The following GJB5 variants were observed in gnomAD, a reference collection of about 807,000 sequenced individuals.
GJB5 encodes the protein gap junction beta-5 protein.
For missense variants in GJB5, 333 were observed against 357.9 expected, an observed-to-expected ratio of 0.93 and a Z score of 0.56; for synonymous variants, 146 against 145.5, an observed-to-expected ratio of 1.00 and a Z score of -0.02.
In GJB5 at chr1:34,758,247, G is replaced by A; in HGVS notation, c.*95G>A. 2 of 938,278 alleles carry A rather than the reference G, an allele frequency of 2.1e-6. No individual in the cohort carries two copies. The highest frequency in any genetic ancestry group is 3.3e-6 in the Non-Finnish European group (2 of 609,420). 58.1% of individuals were successfully genotyped at this position (938,278 alleles called of 1,614,324 possible). A position where few individuals can be genotyped will look rare whatever the true frequency, so the allele number is the denominator to read the frequency against. On this transcript the variant is annotated 3_prime_UTR_variant, in exon 2 of 2. Transcript: ENST00000338513. Reference sequence around the variant, plus strand: ...CCTGAGAGTGGGGGAGCTAAGCCATGAGGTAGGGGCAGGCAAGAGAGAGGA... The same window carrying A: ...CCTGAGAGTGGGGGAGCTAAGCCATAAGGTAGGGGCAGGCAAGAGAGAGGA...
At chr1:34,756,803 A>C (rs901098493) in intron 1 of GJB5, among the ~76,000 whole-genome samples, 1 of 152,202 alleles carries the variant, frequency 6.6e-6, no homozygotes, top group South Asian at 2.1e-4. Flanking sequence ...CCTCCTTTCC[A>C]GTCCCATCCC....
chr1:34,757,777 C>G lies in GJB5; in HGVS notation c.447C>G (p.Phe149Leu). ...ASVDIAFLYVFHSFYPKYILP... is the reference protein window; with the variant it reads ...ASVDIAFLYVLHSFYPKYILP... ...TGGACATCGCCTTTCTCTATGTGTT[C>G]CACTCATTCTACCCCAAATATATCC... Residue 149 changes from phenylalanine to leucine, a missense_variant, in exon 2 of 2, where the codon TTC becomes TTG. Coordinates refer to ENST00000338513, the MANE Select transcript of GJB5 (RefSeq NM_005268.4). The G allele has an allele frequency of 6.2e-7, 1 of 1,613,956 alleles. No homozygotes were observed. The highest frequency in any genetic ancestry group is 1.6e-4 in the Middle Eastern group (1 of 6,062).
At position 34,758,198 on chromosome 1, in the gene GJB5, C is replaced by T. The variant is rs748815028; in HGVS notation, c.*46C>T. ...GGCAGGTTGGGCCTGGATGGGGAGGCTCTAGCATCTCTCATAGGTGCAACC... is the reference window on the plus strand; with the variant it reads ...GGCAGGTTGGGCCTGGATGGGGAGGTTCTAGCATCTCTCATAGGTGCAACC... On this transcript the variant is annotated 3_prime_UTR_variant, in exon 2 of 2. Transcript: ENST00000338513. 1 of 1,432,708 alleles carries T rather than the reference C, an allele frequency of 7.0e-7. No individual in the cohort carries two copies. The highest frequency in any genetic ancestry group is 9.7e-7 in the Non-Finnish European group (1 of 1,027,490). 88.7% of individuals were successfully genotyped at this position (1,432,708 alleles called of 1,614,324 possible).
Position 34,758,289 on chromosome 1 carries a change from G to T in GJB5, c.*137G>T, listed in dbSNP as rs1390902018. ...GAGAGAGGATTCAGACGCTCTGGGA[G>T]CCAGTTCCTAGTCCTCAACTCCAGC... On this transcript the variant is annotated 3_prime_UTR_variant, in exon 2 of 2. Transcript: ENST00000338513. 2 of 680,332 alleles carry T rather than the reference G, an allele frequency of 2.9e-6. No individual in the cohort carries two copies. Among genetic ancestry groups the T allele is most frequent in the Non-Finnish European group, 5.1e-6 (2 of 394,640 alleles). The allele number at this position is 680,332 out of a possible 1,614,324, so 42.1% of individuals were successfully genotyped here.
Position 34,758,128 on chromosome 1 carries a change from C to A in GJB5, c.798C>A (p.Asp266Glu), listed in dbSNP as rs752449730. ...CTCTCTTACCAGACCGCCCCCGAGA[C>A]CATGTGAAGAAAACCATCTTGTGAG... ...HPPLLPDRPR[D>E]HVKKTIL is the part of the protein sequence containing the mutation. Residue 266 changes from aspartate (D) to glutamate (E), a missense_variant, in exon 2 of 2, where the codon GAC becomes GAA. By Grantham distance (45) the Asp-to-Glu change is conservative. Transcript: ENST00000338513. The A allele has an allele frequency of 6.2e-7, 1 of 1,613,826 alleles. No homozygotes were observed. The highest frequency in any genetic ancestry group is 8.5e-7 in the Non-Finnish European group (1 of 1,179,858).
rs143433567 is a variant in GJB5 at position 34,757,455 on chromosome 1, G to A, written c.125G>A (p.Arg42His). ...CTGGTGTACCTGGTGACGGCCGAGC[G>A]TGTGTGGAGTGATGACCACAAGGAC... ...RVLVYLVTAE[R>H]VWSDDHKDFD... Residue 42 changes from arginine (R) to histidine (H), a missense_variant, in exon 2 of 2, where the codon CGT becomes CAT. Coordinates refer to ENST00000338513, the MANE Select transcript of GJB5 (RefSeq NM_005268.4). The A allele has an allele frequency of 3.8e-4, 612 of 1,614,044 alleles. 1 individual carries two copies. Among genetic ancestry groups the A allele is most frequent in the Non-Finnish European group, 4.7e-4 (552 of 1,180,052 alleles).
chr1:34,758,461 A>G lies in GJB5; in HGVS notation c.*309A>G, dbSNP rs1571565993. 1 of 421,728 alleles carries G rather than the reference A, an allele frequency of 2.4e-6. No individual in the cohort carries two copies. 26.1% of individuals were successfully genotyped at this position (421,728 alleles called of 1,614,324 possible). ...GAAGAACACACATGCGGGCACCTTC[A>G]TCGTGTGTGGCCCACTGTCAGAACT... On this transcript the variant is annotated 3_prime_UTR_variant, in exon 2 of 2. Coordinates refer to ENST00000338513, the MANE Select transcript of GJB5 (RefSeq NM_005268.4).
chr1:34,758,245 A>G lies in GJB5; in HGVS notation c.*93A>G. 1.0e-6 allele frequency: 1 copy of G among 958,504 alleles called. No individual in the cohort carries two copies. The highest frequency in any genetic ancestry group is 1.6e-6 in the Non-Finnish European group (1 of 626,626). The allele number at this position is 958,504 out of a possible 1,614,324, so 59.4% of individuals were successfully genotyped here. ...AACCTGAGAGTGGGGGAGCTAAGCCATGAGGTAGGGGCAGGCAAGAGAGAG... is the reference window on the plus strand; with the variant it reads ...AACCTGAGAGTGGGGGAGCTAAGCCGTGAGGTAGGGGCAGGCAAGAGAGAG... On this transcript the variant is annotated 3_prime_UTR_variant, in exon 2 of 2. Transcript: ENST00000338513.
At chr1:34,756,281 C>A (rs1200362994) in intron 1 of GJB5, among the ~76,000 whole-genome samples, 1 of 152,184 alleles carries the variant, frequency 6.6e-6, no homozygotes, top group African/African-American at 2.4e-5. Context: ...ACAGTCCTTA[C>A]GCGGAGGTGA....
rs779181533 is a variant in GJB5 at position 34,757,658 on chromosome 1, GGGGAGAACAGT to G, written c.332_342del (p.Glu111AlafsTer133). The G allele has an allele frequency of 5.6e-6, 9 of 1,614,058 alleles. No individual in the cohort carries two copies. In the East Asian group the frequency reaches 1.8e-4, roughly 32 times the overall value. Reference sequence around the variant, plus strand: ...GGAGAAGAGGCACCGAGAAGCCCATGGGGAGAACAGTGGGCGCCTCTACCTGAACCCCGGCA... The same window carrying G: ...GGAGAAGAGGCACCGAGAAGCCCATGGGGCGCCTCTACCTGAACCCCGGCA... On this transcript the variant is annotated frameshift_variant, in exon 2 of 2. Transcript: ENST00000338513. LOFTEE classifies it low-confidence loss of function (END_TRUNC).
chr1:34,757,246 C>A, intron 1 of GJB5, 61 bp from the exon 2 acceptor site: 1 of 915,308 alleles, frequency 1.1e-6, no homozygotes, highest in Non-Finnish European at 1.7e-6. Context: ...CATATTTCTA[C>A]AAAGTGCTCA....
rs762543120 is a variant in GJB5, at chr1:34,758,013, G to A, written c.683G>A (p.Gly228Asp). The A allele has an allele frequency of 3.7e-6, 6 of 1,614,042 alleles. No individual in the cohort carries two copies. In the South Asian group the frequency reaches 5.5e-5, roughly 15 times the overall value. The change falls in exon 2 of 2, where the codon GGT becomes GAT. Residue 228 changes from glycine (G) to aspartate (D), a missense_variant. Coordinates refer to ENST00000338513, the MANE Select transcript of GJB5 (RefSeq NM_005268.4). ...AGGAAAGCTCAAGCCATGTGCACAG[G>A]TCATCACCCCCACGGTACCACCTCT... ...AARKAQAMCT[G>D]HHPHGTTSSC... is the part of the protein sequence containing the mutation.
In GJB5 at chr1:34,757,501, G is replaced by T; in HGVS notation, c.171G>T (p.Gln57His). 6.2e-7 allele frequency: 1 copy of T among 1,614,182 alleles called. No homozygotes were observed. The highest frequency in any genetic ancestry group is 8.5e-7 in the Non-Finnish European group (1 of 1,180,040). ...DHKDFDCNTR[Q>H]PGCSNVCFDE... ...AGGACTTCGACTGCAATACTCGCCA[G>T]CCCGGCTGCTCCAACGTCTGCTTTG... The change falls in exon 2 of 2, where the codon CAG becomes CAT. Residue 57 changes from glutamine to histidine, a missense_variant. Physicochemically the swap from Gln to His is conservative, Grantham distance 24. Transcript: ENST00000338513.
chr1:34,758,246 T>G lies in GJB5; in HGVS notation c.*94T>G. 1.1e-6 allele frequency: 1 copy of G among 946,944 alleles called. No individual in the cohort carries two copies. The allele number at this position is 946,944 out of a possible 1,614,324, so 58.7% of individuals were successfully genotyped here. ...ACCTGAGAGTGGGGGAGCTAAGCCA[T>G]GAGGTAGGGGCAGGCAAGAGAGAGG... On this transcript the variant is annotated 3_prime_UTR_variant, in exon 2 of 2. Coordinates refer to ENST00000338513, the MANE Select transcript of GJB5 (RefSeq NM_005268.4).
chr1:34,757,320 G>C lies in GJB5; in HGVS notation c.-11G>C, dbSNP rs368781374. On this transcript the variant is annotated 5_prime_UTR_variant, in exon 2 of 2. Transcript: ENST00000338513. ...GTTTCCCTGCAGTAGCAGCTGACGC[G>C]TGGGTCCACCATGAACTGGAGTATC... 6.3e-7 allele frequency: 1 copy of C among 1,584,422 alleles called. No individual in the cohort carries two copies. The highest frequency in any genetic ancestry group is 1.3e-5 in the African/African-American group (1 of 74,542).
intron 1 of GJB5, among the ~76,000 whole-genome samples, chr1:34,755,518 G>GC (rs35450602): frequency 0.5 from 75,765 of 151,966 alleles, 21,177 homozygotes; most frequent in African/African-American, 0.77. Context: ...CTGAGAAGCT[G>GC]CAGGAGTCCT....
At chr1:34,756,657 A>G (rs1031297817) in intron 1 of GJB5, among the ~76,000 whole-genome samples, 4 of 152,186 alleles carry the variant, frequency 2.6e-5, no homozygotes, top group African/African-American at 9.7e-5. Context: ...ACTCTAGGAA[A>G]CCTACTGTAT....
At chr1:34,757,101 C>G (rs1639600612) in intron 1 of GJB5, among the ~76,000 whole-genome samples, 1 of 152,160 alleles carries the variant, frequency 6.6e-6, no homozygotes, top group Non-Finnish European at 1.5e-5. Context: ...TACCTATGCT[C>G]AAATCCCAGC....
Position 34,757,878 on chromosome 1 carries a change from A to C in GJB5, c.548A>C (p.Lys183Thr). The change falls in exon 2 of 2, where the codon AAG (lysine) becomes ACG (threonine). Residue 183 changes from lysine (K) to threonine (T), a missense_variant. Lys to Thr is a moderately conservative substitution (Grantham distance 78). Transcript: ENST00000338513. Reference sequence around the variant, plus strand: ...TGCTTCATCTCCAAGCCCTCAGAGAAGAACATTTTCACCCTCTTCATGGTG... The same window carrying C: ...TGCTTCATCTCCAAGCCCTCAGAGACGAACATTTTCACCCTCTTCATGGTG... ...VDCFISKPSE[K>T]NIFTLFMVAT... The C allele has an allele frequency of 1.2e-6, 2 of 1,613,990 alleles. No individual in the cohort carries two copies. Among genetic ancestry groups the C allele is most frequent in the Non-Finnish European group, 1.7e-6 (2 of 1,179,980 alleles).
Sources: allele counts gnomAD v4.1 joint callset (sites outside exome capture counted in the v4.1 genomes callset), GRCh38; gene constraint gnomAD v4.1.1; transcripts MANE v1.5; gene names NCBI Gene and HGNC (gene_info 2026-07-23, HGNC 2026-07-21).